ANO2: variants seen among roughly 807,000 people sequenced by gnomAD.
ANO2 encodes the protein anoctamin 2.
ANO2 carries 101 observed loss-of-function variants against 124.2 expected under a neutral mutation model. That is an observed-to-expected ratio of 0.81 (90% CI 0.69 to 0.96). ANO2 has a LOEUF of 0.96. Ranked by LOEUF, ANO2 falls within the 40% of genes least tolerant of loss-of-function variation. The pLI is 0.00. For missense variants in ANO2, 1,293 were observed against 1,274.5 expected (o/e 1.01, Z -0.22); for synonymous variants, 486 against 482.5 (o/e 1.01, Z -0.09).
intron 9 of ANO2, among the ~76,000 whole-genome samples, chr12:5,803,413 A>G (rs552646805): frequency 6.6e-6 from 1 of 152,304 alleles, no homozygotes; most frequent in South Asian, 2.1e-4. Flanking sequence ...CTTACTAACT[A>G]TCCACTAGGG....
At chr12:5,603,250 G>A (rs1197530171) in intron 19 of ANO2, among the ~76,000 whole-genome samples, 1 of 152,180 alleles carries the variant, frequency 6.6e-6, no homozygotes, top group African/African-American at 2.4e-5. Flanking sequence ...CATGTGATGT[G>A]TTTGATGAAA....
chr12:5,810,605 CAGTG>C (rs1187382140), intron 7 of ANO2, among the ~76,000 whole-genome samples: 2 of 152,150 alleles, frequency 1.3e-5, no homozygotes, highest in Admixed American at 6.5e-5. Flanking sequence ...GGATGGGAGA[CAGTG>C]AGAAGAAGAA....
intron 20 of ANO2, among the ~76,000 whole-genome samples, chr12:5,589,626 G>A (rs1165275247): frequency 6.6e-6 from 1 of 152,144 alleles, no homozygotes; most frequent in African/African-American, 2.4e-5. Flanking sequence ...TGAAGAATCG[G>A]CCCTTGGGAA....
chr12:5,893,557 G>A (rs1418364018), intron 3 of ANO2, among the ~76,000 whole-genome samples: 1 of 150,378 alleles, frequency 6.6e-6, no homozygotes, highest in Admixed American at 6.6e-5. Flanking sequence ...TTGTTACATA[G>A]GTATACACAA....
At chr12:5,845,261 T>C (rs1954646320) in intron 4 of ANO2, among the ~76,000 whole-genome samples, 2 of 151,064 alleles carry the variant, frequency 1.3e-5, no homozygotes, top group Non-Finnish European at 1.5e-5. Context: ...TTTTGAAACT[T>C]TGTCTCAAAA....
At chr12:5,614,441 C>T (rs1349422490) in intron 17 of ANO2, among the ~76,000 whole-genome samples, 1 of 152,124 alleles carries the variant, frequency 6.6e-6, no homozygotes, top group African/African-American at 2.4e-5. Context: ...CATTGGAGAT[C>T]GAGTTCACTC....
In ANO2 at chr12:5,611,913, T is replaced by C. The variant is rs74489089; in HGVS notation, c.2087+743A>G. Among the ~76,000 whole-genome samples the C allele has an allele frequency of 9.7e-3, 1,479 of 152,288 alleles. 13 individuals are homozygous for C. The highest frequency in any genetic ancestry group is 0.017 in the Non-Finnish European group (1,171 of 68,012). ...ACTGGCCCAGCCTCTCAGTTACCCC[T>C]GGGCATCTCTATCATTCCCTAGCTT... On this transcript the variant is annotated intron_variant, in intron 19 of 24. Coordinates refer to ENST00000682330, the MANE Select transcript of ANO2 (RefSeq NM_001364791.2).
In ANO2 at chr12:5,637,927, T is replaced by C. The variant is rs538180226; in HGVS notation, c.1621-2580A>G. Among the ~76,000 whole-genome samples the C allele has an allele frequency of 4.5e-4, 69 of 152,302 alleles. No homozygotes were observed. In the South Asian group the frequency reaches 9.5e-3, roughly 21 times the overall value. ...CCCAGTCACGTGACCATTTTGGAGA[T>C]GAAGAAACGGGCATGGAAAAGTGAT... On this transcript the variant is annotated intron_variant, in intron 15 of 24. Transcript: ENST00000682330.
At chr12:5,822,358 C>T (rs570620308) in intron 7 of ANO2, among the ~76,000 whole-genome samples, 1 of 152,310 alleles carries the variant, frequency 6.6e-6, no homozygotes, top group East Asian at 1.9e-4. Flanking sequence ...TGTGAGTGTT[C>T]ACCAGCGGGT....
chr12:5,821,589 C>T (rs545091004), intron 7 of ANO2, among the ~76,000 whole-genome samples: 1 of 152,334 alleles, frequency 6.6e-6, no homozygotes, highest in East Asian at 1.9e-4. Flanking sequence ...GCAAGTGAAT[C>T]ACAGCGCAGG....
At chr12:5,853,548 C>T (rs11063887) in intron 4 of ANO2, among the ~76,000 whole-genome samples, 13,214 of 152,052 alleles carry the variant, frequency 0.087, 704 homozygotes, top group East Asian at 0.27. Context: ...TGATTAAGAA[C>T]CTTCTGATTT....
intron 16 of ANO2, among the ~76,000 whole-genome samples, chr12:5,620,394 G>A (rs769628234): frequency 1.5e-4 from 23 of 152,308 alleles, no homozygotes; most frequent in Admixed American, 7.2e-4. Context: ...AAAGCTAAGC[G>A]ATCCTTTGGC....
At chr12:5,624,415 G>T (rs1945293618) in intron 16 of ANO2, among the ~76,000 whole-genome samples, 1 of 152,084 alleles carries the variant, frequency 6.6e-6, no homozygotes, top group Admixed American at 6.5e-5. Flanking sequence ...CTGTGACAAG[G>T]ACAGGAGTGA....
chr12:5,691,157 G>A (rs1367973889), intron 14 of ANO2, among the ~76,000 whole-genome samples: 11 of 151,828 alleles, frequency 7.2e-5, no homozygotes, highest in African/African-American at 2.2e-4. Context: ...GTGAAACCTC[G>A]TCTCTACTAC....
chr12:5,780,680 C>T (rs970249617), intron 10 of ANO2, among the ~76,000 whole-genome samples: 1 of 152,084 alleles, frequency 6.6e-6, no homozygotes, highest in Admixed American at 6.5e-5. Flanking sequence ...TGTACGTGGC[C>T]GCAGGAGGAT....
intron 3 of ANO2, among the ~76,000 whole-genome samples, chr12:5,916,310 G>T (rs1028367295): frequency 6.6e-6 from 1 of 151,778 alleles, no homozygotes; most frequent in East Asian, 1.9e-4. Flanking sequence ...TGGAATCAAT[G>T]TACATGCAGA....
chr12:5,662,603 C>T (rs1947502371), intron 14 of ANO2, among the ~76,000 whole-genome samples: 1 of 152,168 alleles, frequency 6.6e-6, no homozygotes, highest in East Asian at 1.9e-4. Context: ...AGACAACATA[C>T]ATCTAAAATA....
chr12:5,599,406 C>T (rs1228122781), intron 20 of ANO2, 78 bp downstream of exon 20: 4 of 1,492,110 alleles, frequency 2.7e-6, no homozygotes, highest in South Asian at 1.4e-5. Flanking sequence ...TTCCCCAATC[C>T]CCTACCTTCC....
chr12:5,639,088 G>GA (rs1289383364), intron 15 of ANO2, among the ~76,000 whole-genome samples: 1 of 152,094 alleles, frequency 6.6e-6, no homozygotes, highest in Non-Finnish European at 1.5e-5. Context: ...AAACTCCACA[G>GA]AAAAAAGTTT....
Sources: allele counts gnomAD v4.1 joint callset (sites outside exome capture counted in the v4.1 genomes callset), GRCh38; gene constraint gnomAD v4.1.1; transcripts MANE v1.5; gene names NCBI Gene and HGNC (gene_info 2026-07-23, HGNC 2026-07-21).